Variants in PPP1CB observed in about 807,000 individuals in gnomAD.
PPP1CB encodes the protein protein phosphatase 1 catalytic subunit beta.
Under a neutral mutation model 43.7 loss-of-function variants are expected in PPP1CB, and 2 were observed. The observed-to-expected ratio is 0.05, with a 90% CI of 0.02 to 0.14. PPP1CB has a LOEUF of 0.14. Ranked by LOEUF, PPP1CB falls within the 10% of genes least tolerant of loss-of-function variation. The probability of loss-of-function intolerance (pLI) is 1.00; values close to 1 mark genes in which losing one functional copy is unlikely to be tolerated. For missense variants in PPP1CB, 84 were observed against 398.0 expected (o/e 0.21, Z 6.71); for synonymous variants, 136 against 135.6 (o/e 1.00, Z -0.02).
intron 1 of PPP1CB, among the ~76,000 whole-genome samples, chr2:28,763,853 G>A (rs1387698634): frequency 8.5e-5 from 13 of 152,120 alleles, no homozygotes; most frequent in Admixed American, 3.9e-4. Flanking sequence ...TTACAGGTGC[G>A]CGCCACCACA....
chr2:28,770,394 G>T (rs1666879406), intron 1 of PPP1CB, among the ~76,000 whole-genome samples: 1 of 138,464 alleles, frequency 7.2e-6, no homozygotes, highest in Non-Finnish European at 1.6e-5. Flanking sequence ...GGGGGGGGAG[G>T]GGGGTGTGGG....
intron 3 of PPP1CB, among the ~76,000 whole-genome samples, chr2:28,780,585 G>A (rs75891656): frequency 0.059 from 8,980 of 152,188 alleles, 336 homozygotes; most frequent in South Asian, 0.094. Context: ...TAAAAGATAG[G>A]CAAGAATGTC....
chr2:28,759,176 T>A (rs1429495835), intron 1 of PPP1CB, among the ~76,000 whole-genome samples: 1 of 152,152 alleles, frequency 6.6e-6, no homozygotes, highest in Admixed American at 6.5e-5. Flanking sequence ...GCATTACTCT[T>A]GTTTGTGGTA....
intron 1 of PPP1CB, among the ~76,000 whole-genome samples, chr2:28,775,942 AATG>A (rs1667031007): frequency 1.3e-5 from 2 of 152,150 alleles, no homozygotes; most frequent in Admixed American, 1.3e-4. Flanking sequence ...GTTTTAATAT[AATG>A]ATCTATTGGG....
At chr2:28,790,363 C>G (rs951273021) in intron 6 of PPP1CB, among the ~76,000 whole-genome samples, 1 of 151,986 alleles carries the variant, frequency 6.6e-6, no homozygotes, top group Middle Eastern at 3.4e-3. Context: ...TGTTTGAGGC[C>G]GAGTCTCACT....
chr2:28,785,062 G>C (rs1410939378), intron 5 of PPP1CB, among the ~76,000 whole-genome samples: 2 of 109,758 alleles, frequency 1.8e-5, no homozygotes, highest in Non-Finnish European at 4.1e-5. Context: ...ATTGTGTTAG[G>C]AGCTTTTTTT....
rs1000829645 is a variant in PPP1CB at position 28,799,495 on chromosome 2, ACT to A, written c.*195_*196del. 4.0e-5 allele frequency: 18 copies of A among 444,642 alleles called. No homozygotes were observed. Among genetic ancestry groups the A allele is most frequent in the African/African-American group, 3.6e-4 (18 of 49,412 alleles). 27.5% of individuals were successfully genotyped at this position (444,642 alleles called of 1,614,324 possible). On this transcript the variant is annotated 3_prime_UTR_variant, in exon 8 of 8. Transcript: ENST00000395366. Reference sequence around the variant, plus strand: ...TGCTACACTGTATTGTAATAAGTATACTCTGTTATAGTCAACAAAGTTAAATC... The same window carrying A: ...TGCTACACTGTATTGTAATAAGTATACTGTTATAGTCAACAAAGTTAAATC...
chr2:28,775,369 A>G (rs968240884), intron 1 of PPP1CB, among the ~76,000 whole-genome samples: 1 of 152,096 alleles, frequency 6.6e-6, no homozygotes, highest in Non-Finnish European at 1.5e-5. Context: ...TTGGCCTCCC[A>G]ATGTGCTGGG....
chr2:28,792,648 T>A (rs11676590), intron 6 of PPP1CB, among the ~76,000 whole-genome samples: 13,422 of 152,214 alleles, frequency 0.088, 817 homozygotes, highest in East Asian at 0.21. Context: ...AATTGTACCA[T>A]AAGGTAATTT....
intron 1 of PPP1CB, among the ~76,000 whole-genome samples, chr2:28,761,500 C>T (rs1047640091): frequency 2.6e-5 from 4 of 152,116 alleles, no homozygotes; most frequent in Non-Finnish European, 5.9e-5. Context: ...CATTAAAGGT[C>T]AGAAAATGTT....
intron 7 of PPP1CB, among the ~76,000 whole-genome samples, chr2:28,796,714 C>A (rs900989382): frequency 6.6e-6 from 1 of 152,054 alleles, no homozygotes; most frequent in Non-Finnish European, 1.5e-5. Flanking sequence ...GAATCATTAT[C>A]GTCAGTAAAG....
At chr2:28,762,243 C>G (rs1307949499) in intron 1 of PPP1CB, among the ~76,000 whole-genome samples, 2 of 152,156 alleles carry the variant, frequency 1.3e-5, no homozygotes, top group Non-Finnish European at 2.9e-5. Flanking sequence ...TGAGATTGCG[C>G]CACTGCACTC....
At chr2:28,757,844 G>A (rs1360085209) in intron 1 of PPP1CB, among the ~76,000 whole-genome samples, 1 of 151,874 alleles carries the variant, frequency 6.6e-6, no homozygotes, top group Non-Finnish European at 1.5e-5. Context: ...AGCTTTTCTG[G>A]TAAATATCTA....
In PPP1CB at chr2:28,751,858, A is replaced by T. The variant is rs577500106; in HGVS notation, c.-267A>T. On this transcript the variant is annotated 5_prime_UTR_variant, in exon 1 of 8. Coordinates refer to ENST00000395366, the MANE Select transcript of PPP1CB (RefSeq NM_002709.3). ...GAGCTGGGCGGTGCCGAGGAGGAGG[A>T]GGTGGCGGCCTGGGTCTGACGCGGC... is the stretch of plus-strand genomic sequence containing the variant. The T allele has an allele frequency of 2.9e-5, 15 of 520,710 alleles. No homozygotes were observed. Among genetic ancestry groups the T allele is most frequent in the South Asian group, 2.5e-4 (13 of 52,518 alleles). The allele number at this position is 520,710 out of a possible 1,614,324, so 32.3% of individuals were successfully genotyped here.
chr2:28,771,383 G>A (rs371758109), intron 1 of PPP1CB, among the ~76,000 whole-genome samples: 1 of 149,466 alleles, frequency 6.7e-6, no homozygotes, highest in Admixed American at 6.7e-5. Context: ...CAAGTTTGGG[G>A]GTGGAGGGGC....
At chr2:28,785,891 A>G (rs1667256933) in intron 5 of PPP1CB, among the ~76,000 whole-genome samples, 1 of 152,138 alleles carries the variant, frequency 6.6e-6, no homozygotes, top group African/African-American at 2.4e-5. Flanking sequence ...ATATCTGTTT[A>G]TAGTTCAGAT....
At chr2:28,780,606 G>C (rs902951314) in intron 3 of PPP1CB, among the ~76,000 whole-genome samples, 1 of 152,152 alleles carries the variant, frequency 6.6e-6, no homozygotes, top group Non-Finnish European at 1.5e-5. Flanking sequence ...TTTGGGGATA[G>C]AAATGACATC....
chr2:28,774,354 A>G lies in PPP1CB; in HGVS notation c.53-2497A>G, dbSNP rs1011614237. Among the ~76,000 whole-genome samples the G allele has an allele frequency of 2.0e-5, 3 of 152,210 alleles. No homozygotes were observed. The East Asian group carries it at 5.8e-4, about 29-fold the overall frequency. ...TCTCAAACATTTGTTGAATGAGTTA[A>G]TACAGTTTGTAAGTACTTTTAGCTG... is the stretch of plus-strand genomic sequence containing the variant. On this transcript the variant is annotated intron_variant, in intron 1 of 7. Coordinates refer to ENST00000395366, the MANE Select transcript of PPP1CB (RefSeq NM_002709.3).
chr2:28,779,104 A>G, intron 3 of PPP1CB, 65 bp downstream of exon 3: 1 of 1,258,672 alleles, frequency 7.9e-7, no homozygotes, highest in Non-Finnish European at 1.1e-6. Context: ...TTTCTGGTTC[A>G]GAAGAGTTGC....
Sources: allele counts gnomAD v4.1 joint callset (sites outside exome capture counted in the v4.1 genomes callset), GRCh38; gene constraint gnomAD v4.1.1; transcripts MANE v1.5; gene names NCBI Gene and HGNC (gene_info 2026-07-23, HGNC 2026-07-21).